ITCH: variants seen among roughly 807,000 people sequenced by gnomAD.
ITCH encodes the protein itchy E3 ubiquitin protein ligase, also known as E3 ubiquitin-protein ligase Itchy homolog.
In ITCH, 28 loss-of-function variants were observed where a neutral mutation model predicts 126.8. That is an observed-to-expected ratio of 0.22 (90% CI 0.16 to 0.30). ITCH has a LOEUF of 0.30. ITCH is among the 10% of genes least tolerant of loss of function. The pLI is 1.00. For missense variants in ITCH, 631 were observed against 1,032.4 expected (o/e 0.61, Z 5.33); for synonymous variants, 342 against 340.0 (o/e 1.01, Z -0.06).
intron 3 of ITCH, among the ~76,000 whole-genome samples, chr20:34,405,446 A>G (rs1469531311): frequency 6.6e-6 from 1 of 152,162 alleles, no homozygotes; most frequent in East Asian, 1.9e-4. Context: ...CGGAGGTTGC[A>G]ATGAGCTAAG....
rs752504510 is a variant in ITCH, at chr20:34,445,259, T to TG, written c.966-27dup. ...TTCACAAGTATTTGTTGAATTAGCT[T>TG]GTTTTTTTTTTTTTTTTTCTGATTT... On this transcript the variant is annotated intron_variant, in intron 10 of 24. Coordinates refer to ENST00000374864, the MANE Select transcript of ITCH (RefSeq NM_031483.7). 43 of 1,485,436 alleles carry TG rather than the reference T, an allele frequency of 2.9e-5. No individual in the cohort carries two copies. The African/African-American group carries it at 4.0e-4, about 14-fold the overall frequency. The allele number at this position is 1,485,436 out of a possible 1,614,324, so 92.0% of individuals were successfully genotyped here.
chr20:34,426,928 C>T (rs375645524), intron 7 of ITCH, among the ~76,000 whole-genome samples: 10 of 151,996 alleles, frequency 6.6e-5, no homozygotes, highest in African/African-American at 2.2e-4. Context: ...GCACCCGCCA[C>T]GATGCCCAGC....
intron 20 of ITCH, among the ~76,000 whole-genome samples, chr20:34,486,066 GC>G (rs1375914766): frequency 6.6e-6 from 1 of 152,074 alleles, no homozygotes; most frequent in East Asian, 1.9e-4. Flanking sequence ...CCAGGTTGGA[GC>G]GTAGTGGTAG....
At position 34,507,278 on chromosome 20, in the gene ITCH, T is replaced by G. The variant is rs950399568; in HGVS notation, c.2490-417T>G. On this transcript the variant is annotated intron_variant, in intron 24 of 24. Transcript: ENST00000374864. ...GTTTTCTTCTGTTTTTTTTTTTTTTTTTTTTTTTTTTGGTTGTTGTTGTTG... is the reference window on the plus strand; with the variant it reads ...GTTTTCTTCTGTTTTTTTTTTTTTTGTTTTTTTTTTTGGTTGTTGTTGTTG... 1.6e-3 allele frequency among the ~76,000 whole-genome samples: 139 copies of G among 88,612 alleles called. 2 individuals carry two copies. Among genetic ancestry groups the G allele is most frequent in the African/African-American group, 5.1e-3 (131 of 25,590 alleles). 58.1% of individuals were successfully genotyped at this position (88,612 alleles called of 152,430 possible).
At chr20:34,419,790 G>A (rs1453617939) in intron 6 of ITCH, among the ~76,000 whole-genome samples, 1 of 151,978 alleles carries the variant, frequency 6.6e-6, no homozygotes, top group Non-Finnish European at 1.5e-5. Flanking sequence ...GAGTAGCTGG[G>A]ACTACAGGCC....
Position 34,380,028 on chromosome 20 carries a change from C to G in ITCH, c.-22+10558C>G, listed in dbSNP as rs554900673. Among the ~76,000 whole-genome samples the G allele has an allele frequency of 2.0e-5, 3 of 151,878 alleles. No individual in the cohort carries two copies. The South Asian group carries it at 6.2e-4, about 32-fold the overall frequency. ...TCTCCTGCCTCAGTCTCCCGAGTAGCTGGAACTACAGGTGTGTGCCACCAC... is the reference window on the plus strand; with the variant it reads ...TCTCCTGCCTCAGTCTCCCGAGTAGGTGGAACTACAGGTGTGTGCCACCAC... On this transcript the variant is annotated intron_variant, in intron 2 of 24. Coordinates refer to ENST00000374864, the MANE Select transcript of ITCH (RefSeq NM_031483.7).
chr20:34,399,388 C>A (rs1219599245), intron 3 of ITCH, among the ~76,000 whole-genome samples: 1 of 151,728 alleles, frequency 6.6e-6, no homozygotes, highest in East Asian at 1.9e-4. Context: ...GTGAAACTGT[C>A]TCAAAAAAAT....
chr20:34,494,079 A>AT (rs1404488069), intron 23 of ITCH, among the ~76,000 whole-genome samples: 1 of 152,162 alleles, frequency 6.6e-6, no homozygotes, highest in Non-Finnish European at 1.5e-5. Context: ...AAATACAAAA[A>AT]TTAGCCGGGC....
intron 2 of ITCH, among the ~76,000 whole-genome samples, chr20:34,375,695 AATTTTTTT>A (rs2037813221): frequency 7.4e-6 from 1 of 135,084 alleles, no homozygotes; most frequent in African/African-American, 2.9e-5. Flanking sequence ...TGGTAGTTAA[AATTTTTTT>A]TTTTTTTTTT....
intron 24 of ITCH, among the ~76,000 whole-genome samples, chr20:34,506,149 C>T (rs951462868): frequency 1.4e-4 from 22 of 152,032 alleles, no homozygotes; most frequent in Non-Finnish European, 2.2e-4. Flanking sequence ...ATGCACCCTC[C>T]ACCTCCCGGG....
chr20:34,425,474 A>T (rs1981382202), intron 7 of ITCH, among the ~76,000 whole-genome samples: 1 of 152,128 alleles, frequency 6.6e-6, no homozygotes. Context: ...TGCAGTTGAG[A>T]TAAGAGGAAG....
chr20:34,414,615 C>T (rs1232947284), intron 6 of ITCH, among the ~76,000 whole-genome samples: 2 of 151,910 alleles, frequency 1.3e-5, no homozygotes, highest in Non-Finnish European at 2.9e-5. Flanking sequence ...TACAGGCATG[C>T]GCCACCACGC....
chr20:34,372,383 A>ATTTTTTTTTTTTTTTT (rs1568853490), intron 2 of ITCH, among the ~76,000 whole-genome samples: 3 of 70,232 alleles, frequency 4.3e-5, no homozygotes, highest in African/African-American at 1.4e-4. Flanking sequence ...TTTAAGTTCT[A>ATTTTTTTTTTTTTTTT]CTTTTTTTTT....
chr20:34,452,245 A>T (rs1285975558), intron 12 of ITCH, among the ~76,000 whole-genome samples: 1 of 152,164 alleles, frequency 6.6e-6, no homozygotes, highest in East Asian at 1.9e-4. Context: ...CTTTCCTGCA[A>T]GTTGGTCCTT....
At chr20:34,452,092 AG>A (rs1243487774) in intron 12 of ITCH, among the ~76,000 whole-genome samples, 2 of 150,942 alleles carry the variant, frequency 1.3e-5, no homozygotes, top group African/African-American at 2.4e-5. Flanking sequence ...AAAAAAAAAA[AG>A]TTGCAGAAAA....
intron 2 of ITCH, among the ~76,000 whole-genome samples, chr20:34,382,537 C>T (rs1016204526): frequency 2.0e-5 from 3 of 150,994 alleles, no homozygotes; most frequent in African/African-American, 7.3e-5. Flanking sequence ...TCTCAAGTGG[C>T]TGGAATTACA....
At chr20:34,370,683 G>T (rs1197644469) in intron 2 of ITCH, among the ~76,000 whole-genome samples, 1 of 145,242 alleles carries the variant, frequency 6.9e-6, no homozygotes, top group Non-Finnish European at 1.5e-5. Context: ...AAAAAGAAAA[G>T]AAATGTTATC....
intron 12 of ITCH, 24 bp from the exon 13 acceptor site, chr20:34,457,365 TC>T: frequency 6.5e-7 from 1 of 1,546,164 alleles, no homozygotes; most frequent in Non-Finnish European, 8.9e-7. Flanking sequence ...TGCTTTGCTT[TC>T]CCCTGCCCCT....
chr20:34,415,733 GATAAA>G (rs1432113035), intron 6 of ITCH, among the ~76,000 whole-genome samples: 1 of 152,208 alleles, frequency 6.6e-6, no homozygotes, highest in Non-Finnish European at 1.5e-5. Flanking sequence ...AAGTCTGGAA[GATAAA>G]ATACAAGTTA....
Sources: allele counts gnomAD v4.1 joint callset (sites outside exome capture counted in the v4.1 genomes callset), GRCh38; gene constraint gnomAD v4.1.1; transcripts MANE v1.5; gene names NCBI Gene and HGNC (gene_info 2026-07-23, HGNC 2026-07-21).